The following ESRRG variants were observed in gnomAD, a reference collection of about 807,000 sequenced individuals.
ESRRG encodes estrogen related receptor gamma, also known as estrogen-related receptor gamma.
In ESRRG, 13 loss-of-function variants were observed where a neutral mutation model predicts 44.0. The ratio of observed to expected loss-of-function variants is 0.30; its 90% CI spans 0.19 to 0.47. The LOEUF (loss-of-function observed/expected upper bound fraction) is 0.47. Ranked by LOEUF, ESRRG falls within the 20% of genes least tolerant of loss-of-function variation. The pLI is 1.00. For synonymous variants in ESRRG, 215 were observed against 214.6 expected, an observed-to-expected ratio of 1.00 and a Z score of -0.02; for missense variants, 395 against 580.6, an observed-to-expected ratio of 0.68 and a Z score of 3.29.
chr1:216,701,522 C>T (rs1048149695), intron 1 of ESRRG: 1 of 152,216 alleles, frequency 6.6e-6, no homozygotes, highest in Non-Finnish European at 1.5e-5. Flanking sequence ...GCAAATACAA[C>T]TAGGTTTTAA....
At chr1:216,557,638 TGTTA>T (rs1234878611) in intron 5 of ESRRG, among the ~76,000 whole-genome samples, 2 of 152,118 alleles carry the variant, frequency 1.3e-5, no homozygotes, top group African/African-American at 4.8e-5. Flanking sequence ...ACTATGGAGA[TGTTA>T]GTTAGTTTTA....
rs190127371 is a variant in ESRRG, at chr1:216,990,975, T to A, written c.-105-51302A>T. 2.6e-5 allele frequency among the ~76,000 whole-genome samples: 4 copies of A among 152,158 alleles called. No individual in the cohort carries two copies. The East Asian group carries it at 7.7e-4, about 29-fold the overall frequency. Reference sequence around the variant, plus strand: ...CCACCCCATATACATCCATGGCCTGTTAGGAAACTGGTTGCATAGCAGGAG... The same window carrying A: ...CCACCCCATATACATCCATGGCCTGATAGGAAACTGGTTGCATAGCAGGAG... On this transcript the variant is annotated intron_variant, in intron 1 of 7. Transcript: ENST00000359162.
chr1:216,556,696 C>T (rs2057660533), intron 5 of ESRRG, among the ~76,000 whole-genome samples: 1 of 152,112 alleles, frequency 6.6e-6, no homozygotes, highest in African/African-American at 2.4e-5. Flanking sequence ...CATGCTCCCC[C>T]TTCTAAGTCT....
At position 217,100,408 on chromosome 1, in the gene ESRRG, C is replaced by T. The variant is rs1258287185; in HGVS notation, c.-230+37259G>A. On this transcript the variant is annotated intron_variant, in intron 1 of 8. Coordinates refer to the ESRRG transcript ENST00000366940. ...CACCCCAGGTGATTCTGTTAGGTGC[C>T]CTTTGACAGTATCTTTTCCAATCCT... Among the ~76,000 whole-genome samples, 4 of 152,234 alleles carry T rather than the reference C, an allele frequency of 2.6e-5. No individual in the cohort carries two copies. In the East Asian group the frequency reaches 5.8e-4, roughly 22 times the overall value.
In ESRRG at chr1:216,995,082, G is replaced by A. The variant is rs893917107; in HGVS notation, c.-105-55409C>T. Among the ~76,000 whole-genome samples, 31 of 152,146 alleles carry A rather than the reference G, an allele frequency of 2.0e-4. 1 individual carries two copies. Among genetic ancestry groups the A allele is most frequent in the Admixed American group, 1.7e-3 (26 of 15,272 alleles). ...TAGCCTGCACTTAAAGATCAAAGAC[G>A]ACTGAGATGACTCTTCTGAAATAGA... is the stretch of plus-strand genomic sequence containing the variant. On this transcript the variant is annotated intron_variant, in intron 1 of 7. Transcript: ENST00000359162.
chr1:217,003,915 C>T (rs2077395141), intron 1 of ESRRG, among the ~76,000 whole-genome samples: 1 of 151,640 alleles, frequency 6.6e-6, no homozygotes, highest in African/African-American at 2.4e-5. Flanking sequence ...AATTCAATAG[C>T]ACAATTAACT....
At chr1:217,085,480 C>CTTTTT (rs2092021463) in intron 1 of ESRRG, among the ~76,000 whole-genome samples, 10 of 66,340 alleles carry the variant, frequency 1.5e-4, no homozygotes, top group African/African-American at 6.0e-4. Context: ...CTTTTCTTTT[C>CTTTTT]ATTTTTTTTT....
At chr1:216,822,719 C>T (rs995203801) in intron 2 of ESRRG, among the ~76,000 whole-genome samples, 3 of 152,112 alleles carry the variant, frequency 2.0e-5, no homozygotes, top group African/African-American at 4.8e-5. Flanking sequence ...CTTCAGAGCA[C>T]TTAACTAAAG....
intron 2 of ESRRG, among the ~76,000 whole-genome samples, chr1:216,758,667 G>A (rs1174065426): frequency 6.6e-6 from 1 of 151,746 alleles, no homozygotes; most frequent in African/African-American, 2.4e-5. Flanking sequence ...TCAGGTTGGC[G>A]CCTACAAGCC....
intron 2 of ESRRG, among the ~76,000 whole-genome samples, chr1:216,879,892 A>G (rs1215958697): frequency 6.6e-6 from 1 of 152,074 alleles, no homozygotes; most frequent in East Asian, 1.9e-4. Flanking sequence ...ATAATACATC[A>G]CTAACTAGGA....
At chr1:217,083,922 A>C (rs2091921261) in intron 1 of ESRRG, among the ~76,000 whole-genome samples, 1 of 152,344 alleles carries the variant, frequency 6.6e-6, no homozygotes, top group South Asian at 2.1e-4. Context: ...GTTTGAAAAC[A>C]TACAGGGCAT....
intron 1 of ESRRG, among the ~76,000 whole-genome samples, chr1:217,089,304 G>A (rs1001666981): frequency 6.6e-6 from 1 of 151,604 alleles, no homozygotes; most frequent in Non-Finnish European, 1.5e-5. Context: ...GTCATGGTAA[G>A]GCAAGTCTAC....
intron 2 of ESRRG, among the ~76,000 whole-genome samples, chr1:216,836,452 A>G (rs12743159): frequency 0.23 from 34,739 of 151,882 alleles, 4,180 homozygotes; most frequent in African/African-American, 0.3. Flanking sequence ...CACATCTTTT[A>G]TTATTTTATT....
intron 1 of ESRRG, among the ~76,000 whole-genome samples, chr1:217,052,641 T>C (rs1482127240): frequency 6.6e-6 from 1 of 152,202 alleles, no homozygotes; most frequent in Non-Finnish European, 1.5e-5. Flanking sequence ...TTGACTTGAC[T>C]GAACATTGCT....
At chr1:216,727,297 A>G (rs2087734015), upstream of ESRRG, among the ~76,000 whole-genome samples, 1 of 152,216 alleles carries the variant, frequency 6.6e-6, no homozygotes, top group Non-Finnish European at 1.5e-5. Context: ...TAAATGTATC[A>G]TATATAGTAT....
chr1:216,819,908 C>T (rs2095249782), intron 2 of ESRRG, among the ~76,000 whole-genome samples: 1 of 152,088 alleles, frequency 6.6e-6, no homozygotes, highest in South Asian at 2.1e-4. Context: ...GGGTATGGAG[C>T]AGACCAAAAC....
intron 2 of ESRRG, among the ~76,000 whole-genome samples, chr1:216,797,625 G>A (rs779425838): frequency 6.6e-6 from 1 of 152,132 alleles, no homozygotes; most frequent in African/African-American, 2.4e-5. Context: ...GTCTTTTGTA[G>A]AATTCCTCAA....
At chr1:216,557,681 A>C (rs1158085196) in intron 5 of ESRRG, among the ~76,000 whole-genome samples, 1 of 152,218 alleles carries the variant, frequency 6.6e-6, no homozygotes, top group Non-Finnish European at 1.5e-5. Context: ...ATGAAAAAAA[A>C]TAAAGCTGAA....
intron 2 of ESRRG, among the ~76,000 whole-genome samples, chr1:216,673,537 A>T (rs2151436065): frequency 6.6e-6 from 1 of 152,352 alleles, no homozygotes; most frequent in South Asian, 2.1e-4. Context: ...AATACGGAGT[A>T]AAACTGAGCA....
Sources: gnomAD v4.1 joint callset for allele counts (sites outside exome capture counted in the v4.1 genomes callset) on GRCh38, gnomAD v4.1.1 for gene constraint, MANE v1.5 for transcripts, NCBI Gene and HGNC (gene_info 2026-07-23, HGNC 2026-07-21) for gene names.